The following ATXN1 variants were observed in gnomAD, a reference collection of about 807,000 sequenced individuals.
The protein encoded by ATXN1 is ataxin 1.
ATXN1 carries 8 observed loss-of-function variants against 56.4 expected under a neutral mutation model. The ratio of observed to expected loss-of-function variants is 0.14; its 90% CI spans 0.08 to 0.26. The LOEUF (loss-of-function observed/expected upper bound fraction) is 0.26, where lower values mean the gene tolerates loss of function less well. Among genes scored for constraint, ATXN1 ranks in the 10% least tolerant of loss-of-function variants. The pLI is 1.00. For synonymous variants in ATXN1, 514 were observed against 494.6 expected (o/e 1.04, Z -0.52); for missense variants, 987 against 1,106.5 (o/e 0.89, Z 1.53).
chr6:16,399,587 G>C (rs892950485), intron 6 of ATXN1, among the ~76,000 whole-genome samples: 4 of 152,182 alleles, frequency 2.6e-5, no homozygotes, highest in Admixed American at 2.6e-4. Flanking sequence ...GGCAGCAAGC[G>C]GGGAGGGAAG....
chr6:16,495,288 T>A lies in ATXN1; in HGVS notation c.-298-9179A>T, dbSNP rs566635547. On this transcript the variant is annotated intron_variant, in intron 5 of 7. Coordinates refer to ENST00000436367, the MANE Select transcript of ATXN1 (RefSeq NM_001128164.2). ...TTTTCCTCTCATTCTCTTTTTGCCA[T>A]AATATTGAGAGTTATATGATAGTAT... 3.3e-5 allele frequency among the ~76,000 whole-genome samples: 5 copies of A among 152,326 alleles called. No homozygotes were observed. The South Asian group carries it at 8.3e-4, about 25-fold the overall frequency.
intron 6 of ATXN1, among the ~76,000 whole-genome samples, chr6:16,434,448 A>G (rs929190800): frequency 2.2e-4 from 33 of 152,164 alleles, no homozygotes; most frequent in African/African-American, 7.7e-4. Context: ...TTCCCTTCTA[A>G]AACTTTGCTT....
intron 4 of ATXN1, among the ~76,000 whole-genome samples, chr6:16,555,912 AC>A (rs1276349524): frequency 6.6e-6 from 1 of 152,202 alleles, no homozygotes; most frequent in African/African-American, 2.4e-5. Context: ...GGTATTTATT[AC>A]TAGAGTAATG....
Position 16,598,893 on chromosome 6 carries a change from C to T in ATXN1, c.-488-12986G>A, listed in dbSNP as rs1374401899. On this transcript the variant is annotated intron_variant, in intron 3 of 7. Transcript: ENST00000436367. ...CCTCCGTCAAAAAGTCACACCTCTC[C>T]TTTTCCTGGCTTGGTGTCCAGCTGA... 1.3e-5 allele frequency among the ~76,000 whole-genome samples: 2 copies of T among 152,244 alleles called. 1 individual carries two copies. Among genetic ancestry groups the T allele is most frequent in the Non-Finnish European group, 2.9e-5 (2 of 68,036 alleles).
chr6:16,726,809 G>C (rs1199971761), intron 2 of ATXN1, among the ~76,000 whole-genome samples: 3 of 152,080 alleles, frequency 2.0e-5, no homozygotes, highest in African/African-American at 7.2e-5. Flanking sequence ...AGTGAGCCAA[G>C]ATCATGCCAT....
chr6:16,529,206 TTG>T (rs1381521400), intron 4 of ATXN1, among the ~76,000 whole-genome samples: 35 of 146,580 alleles, frequency 2.4e-4, no homozygotes, highest in African/African-American at 9.2e-4. Context: ...TCAGGGTTTT[TTG>T]TTTTTTTTTT....
intron 2 of ATXN1, among the ~76,000 whole-genome samples, chr6:16,719,358 G>A (rs953651109): frequency 4.4e-4 from 67 of 152,160 alleles, no homozygotes; most frequent in Non-Finnish European, 9.3e-4. Context: ...TTGAATTCAT[G>A]CTAAACAGCT....
At chr6:16,662,145 G>A (rs1334412270) in intron 2 of ATXN1, among the ~76,000 whole-genome samples, 1 of 152,176 alleles carries the variant, frequency 6.6e-6, no homozygotes, top group Non-Finnish European at 1.5e-5. Flanking sequence ...ATACATGGTA[G>A]AGGTGGGACT....
intron 6 of ATXN1, among the ~76,000 whole-genome samples, chr6:16,469,350 C>T (rs1457176385): frequency 6.6e-6 from 1 of 152,170 alleles, no homozygotes; most frequent in African/African-American, 2.4e-5. Context: ...TAGTGAAGAA[C>T]TAGGCAAGGG....
intron 6 of ATXN1, among the ~76,000 whole-genome samples, chr6:16,404,826 G>A (rs1198164664): frequency 1.3e-5 from 2 of 152,194 alleles, no homozygotes; most frequent in East Asian, 3.9e-4. Flanking sequence ...GGGGCTGTCG[G>A]TACAGCCTGG....
At chr6:16,490,150 AAC>A (rs1172382546) in intron 5 of ATXN1, among the ~76,000 whole-genome samples, 4 of 149,350 alleles carry the variant, frequency 2.7e-5, no homozygotes, top group Non-Finnish European at 4.4e-5. Context: ...AAAAAAAAAA[AAC>A]CAAAAACCAA....
intron 2 of ATXN1, among the ~76,000 whole-genome samples, chr6:16,733,228 T>A (rs1336844927): frequency 6.6e-6 from 1 of 152,142 alleles, no homozygotes; most frequent in African/African-American, 2.4e-5. Flanking sequence ...TCACATTGGT[T>A]CCCAAAAATG....
rs1442234010 is a variant in ATXN1, at chr6:16,408,362, G to A, written c.-161+77610C>T. Among the ~76,000 whole-genome samples the A allele has an allele frequency of 2.0e-5, 3 of 152,076 alleles. No individual in the cohort carries two copies. In the East Asian group the frequency reaches 5.8e-4, roughly 29 times the overall value. ...AAATAAACTATAGTTATTTTAAATAGTGGCCTCACCAAAGCCTGCTTTCAC... is the reference window on the plus strand; with the variant it reads ...AAATAAACTATAGTTATTTTAAATAATGGCCTCACCAAAGCCTGCTTTCAC... On this transcript the variant is annotated intron_variant, in intron 6 of 7. Coordinates refer to ENST00000436367, the MANE Select transcript of ATXN1 (RefSeq NM_001128164.2).
chr6:16,601,333 C>G (rs2113780421), intron 3 of ATXN1, among the ~76,000 whole-genome samples: 1 of 152,224 alleles, frequency 6.6e-6, no homozygotes, highest in South Asian at 2.1e-4. Context: ...AAGTATGTTG[C>G]TATCTTCACT....
intron 6 of ATXN1, among the ~76,000 whole-genome samples, chr6:16,346,720 G>A (rs908114966): frequency 2.0e-5 from 3 of 150,488 alleles, no homozygotes; most frequent in East Asian, 1.9e-4. Flanking sequence ...ACAGCATACT[G>A]GCAGCCCTCA....
intron 3 of ATXN1, among the ~76,000 whole-genome samples, chr6:16,648,002 G>A (rs534951447): frequency 1.3e-5 from 2 of 152,196 alleles, no homozygotes; most frequent in Non-Finnish European, 2.9e-5. Flanking sequence ...TTGAACCCAG[G>A]AGGCGGAGGC....
At chr6:16,614,950 A>T (rs917602126) in intron 3 of ATXN1, 6 of 151,362 alleles carry the variant, frequency 4.0e-5, no homozygotes, top group Non-Finnish European at 7.4e-5. Context: ...AATAAAATAA[A>T]ATAATATAAA....
chr6:16,346,576 A>C (rs1761394025), intron 6 of ATXN1, among the ~76,000 whole-genome samples: 1 of 152,220 alleles, frequency 6.6e-6, no homozygotes, highest in African/African-American at 2.4e-5. Context: ...CACATAGTTG[A>C]TTCAGTGTCA....
At chr6:16,581,416 A>G (rs1487514726) in intron 4 of ATXN1, among the ~76,000 whole-genome samples, 1 of 152,080 alleles carries the variant, frequency 6.6e-6, no homozygotes, top group Admixed American at 6.5e-5. Flanking sequence ...TTCGTCAAAG[A>G]CAGTAAATCC....
Sources: allele counts gnomAD v4.1 joint callset (sites outside exome capture counted in the v4.1 genomes callset), GRCh38; gene constraint gnomAD v4.1.1; transcripts MANE v1.5; gene names NCBI Gene and HGNC (gene_info 2026-07-23, HGNC 2026-07-21).